CLMP: variants seen among roughly 807,000 people sequenced by gnomAD.
CLMP encodes the protein CXADR-like membrane protein.
In CLMP, 27 loss-of-function variants were observed where a neutral mutation model predicts 45.2. The observed-to-expected ratio is 0.60, with a 90% CI of 0.44 to 0.82. CLMP has a LOEUF of 0.82. Ranked by LOEUF, CLMP falls within the 40% of genes least tolerant of loss-of-function variation. The pLI, the probability that CLMP is intolerant of heterozygous loss-of-function variation, is 0.00. For synonymous variants in CLMP, 167 were observed against 171.4 expected (o/e 0.97, Z 0.20); for missense variants, 403 against 448.4 (o/e 0.90, Z 0.91).
intron 5 of CLMP, among the ~76,000 whole-genome samples, chr11:123,079,174 T>G (rs905709071): frequency 1.3e-5 from 2 of 152,206 alleles, no homozygotes; most frequent in Non-Finnish European, 2.9e-5. Flanking sequence ...TGTATAAGTT[T>G]TACTTTAATA....
intron 1 of CLMP, among the ~76,000 whole-genome samples, chr11:123,167,823 G>A (rs1861579141): frequency 6.6e-6 from 1 of 152,146 alleles, no homozygotes; most frequent in Admixed American, 6.6e-5. Context: ...CAAGGAAAGG[G>A]GAAGCTCTTC....
At chr11:123,186,788 G>A (rs6589972) in intron 1 of CLMP, among the ~76,000 whole-genome samples, 12,509 of 152,180 alleles carry the variant, frequency 0.082, 1,497 homozygotes, top group African/African-American at 0.27. Flanking sequence ...CTCCCAAAGT[G>A]CTAGGATTAC....
intron 1 of CLMP, among the ~76,000 whole-genome samples, chr11:123,118,983 T>G (rs866648947): frequency 1.4e-4 from 6 of 41,956 alleles, no homozygotes; most frequent in Admixed American, 1.3e-3. Context: ...CTTTCTTTCT[T>G]TCTTTCTTTC....
At chr11:123,148,783 A>T (rs1169658968) in intron 1 of CLMP, among the ~76,000 whole-genome samples, 2 of 152,194 alleles carry the variant, frequency 1.3e-5, no homozygotes, top group African/African-American at 4.8e-5. Context: ...TGCATGGCCC[A>T]GGTTCTAGTC....
At chr11:123,101,266 G>A (rs1370338539) in intron 1 of CLMP, among the ~76,000 whole-genome samples, 2 of 152,008 alleles carry the variant, frequency 1.3e-5, no homozygotes, top group Admixed American at 6.6e-5. Flanking sequence ...GTGCCACACC[G>A]GCTGATTTTT....
chr11:123,183,428 A>G (rs527535371), intron 1 of CLMP, among the ~76,000 whole-genome samples: 1 of 152,092 alleles, frequency 6.6e-6, no homozygotes, highest in South Asian at 2.1e-4. Context: ...ACAGGGTTTC[A>G]CTATGTTGGC....
At chr11:123,118,995 TTCTTTCTCTCTCTC>T (rs1860767428) in intron 1 of CLMP, among the ~76,000 whole-genome samples, 2 of 18,408 alleles carry the variant, frequency 1.1e-4, no homozygotes, top group South Asian at 4.8e-3. Flanking sequence ...CTTTCTTTCT[TTCTTTCTCTCTCTC>T]TCTCTCTCTC....
chr11:123,160,335 A>C (rs1861469944), intron 1 of CLMP, among the ~76,000 whole-genome samples: 1 of 151,018 alleles, frequency 6.6e-6, no homozygotes. Flanking sequence ...TCAATAATCC[A>C]ATTATACCCT....
intron 1 of CLMP, among the ~76,000 whole-genome samples, chr11:123,148,766 A>G (rs1861272599): frequency 6.6e-6 from 1 of 152,190 alleles, no homozygotes; most frequent in Non-Finnish European, 1.5e-5. Flanking sequence ...GAAGCTAGTC[A>G]ATTGCGTGCA....
chr11:123,085,081 A>G (rs1210468304), intron 2 of CLMP, among the ~76,000 whole-genome samples: 2 of 152,152 alleles, frequency 1.3e-5, no homozygotes, highest in Non-Finnish European at 2.9e-5. Context: ...CTATGCATGT[A>G]TTAAGCATAG....
intron 2 of CLMP, among the ~76,000 whole-genome samples, chr11:123,094,039 C>T (rs763165740): frequency 3.3e-5 from 5 of 152,168 alleles, no homozygotes; most frequent in Non-Finnish European, 7.3e-5. Flanking sequence ...TACACTTTCA[C>T]ATTATTTATG....
chr11:123,150,455 GAAAGAAAGAAAGAAAGAAAGA>G (rs1565397318), intron 1 of CLMP, among the ~76,000 whole-genome samples: 2 of 93,064 alleles, frequency 2.1e-5, no homozygotes, highest in African/African-American at 8.5e-5. Flanking sequence ...AAGAAAGAAA[GAAAGAAAGAAAGAAAGAAAGA>G]AAGAAAGGAA....
intron 1 of CLMP, among the ~76,000 whole-genome samples, chr11:123,113,118 A>G (rs761277344): frequency 6.6e-6 from 1 of 152,182 alleles, no homozygotes; most frequent in East Asian, 1.9e-4. Flanking sequence ...ATTCAAGGAT[A>G]CTGATGCTAC....
At chr11:123,170,146 T>G (rs895650115) in intron 1 of CLMP, among the ~76,000 whole-genome samples, 1 of 152,176 alleles carries the variant, frequency 6.6e-6, no homozygotes. Flanking sequence ...AAGAGATGAC[T>G]TTGTAGGGCA....
intron 1 of CLMP, among the ~76,000 whole-genome samples, chr11:123,176,017 A>T (rs1233772407): frequency 6.8e-6 from 1 of 147,678 alleles, no homozygotes; most frequent in African/African-American, 2.6e-5. Context: ...GGGGAGTAAG[A>T]AAAAATATAG....
intron 1 of CLMP, among the ~76,000 whole-genome samples, chr11:123,120,361 C>T (rs1860797001): frequency 6.6e-6 from 1 of 151,682 alleles, no homozygotes; most frequent in African/African-American, 2.4e-5. Flanking sequence ...TGGATTGATC[C>T]TCTATTTTTT....
At chr11:123,156,369 T>C (rs915929537) in intron 1 of CLMP, among the ~76,000 whole-genome samples, 9 of 152,216 alleles carry the variant, frequency 5.9e-5, no homozygotes, top group Non-Finnish European at 1.2e-4. Context: ...CAGAAGCAGA[T>C]CCTTTAGCCC....
At chr11:123,139,636 C>T (rs1861126201) in intron 1 of CLMP, among the ~76,000 whole-genome samples, 1 of 152,012 alleles carries the variant, frequency 6.6e-6, no homozygotes, top group Non-Finnish European at 1.5e-5. Context: ...ACCAGCCTGG[C>T]CAACATGGTG....
At chr11:123,080,739 CTT>C (rs1337982845) in intron 5 of CLMP, among the ~76,000 whole-genome samples, 1 of 152,198 alleles carries the variant, frequency 6.6e-6, no homozygotes, top group Non-Finnish European at 1.5e-5. Flanking sequence ...ATAAAGAACT[CTT>C]TCAAATCAGT....
Sources: allele counts gnomAD v4.1 joint callset (sites outside exome capture counted in the v4.1 genomes callset), GRCh38; gene constraint gnomAD v4.1.1; transcripts MANE v1.5; gene names NCBI Gene and HGNC (gene_info 2026-07-23, HGNC 2026-07-21).